The following FLT4 variants were observed in gnomAD, a reference collection of about 807,000 sequenced individuals.
FLT4 encodes the protein fms related receptor tyrosine kinase 4, also known as vascular endothelial growth factor receptor 3.
Under a neutral mutation model 163.2 loss-of-function variants are expected in FLT4, and 30 were observed. The observed-to-expected ratio is 0.18, with a 90% CI of 0.14 to 0.25. The LOEUF is 0.25. FLT4 is among the 10% of genes least tolerant of loss of function. The pLI is 1.00. For synonymous variants in FLT4, 884 were observed against 789.5 expected, an observed-to-expected ratio of 1.12 and a Z score of -2.01; for missense variants, 1,510 against 1,863.8, an observed-to-expected ratio of 0.81 and a Z score of 3.50.
chr5:180,626,493 T>C (rs1023262252), intron 8 of FLT4, among the ~76,000 whole-genome samples: 10 of 152,128 alleles, frequency 6.6e-5, no homozygotes, highest in Non-Finnish European at 1.5e-4. Flanking sequence ...CGGGCATTGG[T>C]CACTGAGGTC....
At chr5:180,608,131 T>C (rs1237812611) in intron 29 of FLT4, 1 of 700,478 alleles carries the variant, frequency 1.4e-6, no homozygotes, top group Non-Finnish European at 2.6e-6. Context: ...CTTGTCCACT[T>C]TCATGCTCCT....
chr5:180,618,718 A>C (rs992281475), intron 21 of FLT4, 52 bp downstream of exon 21: 72 of 1,485,032 alleles, frequency 4.8e-5, no homozygotes, highest in Middle Eastern at 1.8e-4. Context: ...TGATCACGGG[A>C]TATAACCGGG....
chr5:180,628,137 T>A (rs1412230167), intron 8 of FLT4, among the ~76,000 whole-genome samples: 1 of 152,190 alleles, frequency 6.6e-6, no homozygotes, highest in African/African-American at 2.4e-5. Flanking sequence ...CCTGGGGAAT[T>A]GGCGATCAGT....
intron 1 of FLT4, among the ~76,000 whole-genome samples, chr5:180,635,924 G>A (rs113136175): frequency 3.1e-5 from 4 of 131,102 alleles, no homozygotes; most frequent in African/African-American, 1.1e-4. Context: ...TGGGTGGATG[G>A]ATGGATGGAC....
At chr5:180,617,135 C>T in intron 21 of FLT4, 141 bp from the exon 22 acceptor site, 1 of 696,382 alleles carries the variant, frequency 1.4e-6, no homozygotes. Flanking sequence ...CTCCAGAGCA[C>T]CCTCTCCTGC....
In FLT4 at chr5:180,608,972, A is replaced by G; in HGVS notation, c.3889T>C (p.Phe1297Leu). 1 of 1,613,886 alleles carries G rather than the reference A, an allele frequency of 6.2e-7. No individual in the cohort carries two copies. The highest frequency in any genetic ancestry group is 1.1e-5 in the South Asian group (1 of 91,066). Reference sequence around the variant, plus strand: ...GGAGGCTCACGAAGCCCTTACCTGAAGCCGCTTTCTTGTCTATGCCTGCTC... The same window carrying G: ...GGAGGCTCACGAAGCCCTTACCTGAGGCCGCTTTCTTGTCTATGCCTGCTC... ...IESRHRQESG[F>L]SCKGPGQNVA... The change falls in exon 29 of 30, where the codon TTC (phenylalanine) becomes CTC (leucine). Residue 1297 changes from phenylalanine (F) to leucine (L), a missense_variant. Around this residue, in one of 5 missense-constraint regions of FLT4, gnomAD observed 295 missense variants for 311.0 expected, o/e 0.95. Transcript: ENST00000261937.
intron 23 of FLT4, among the ~76,000 whole-genome samples, chr5:180,614,554 C>A (rs1383203778): frequency 6.6e-6 from 1 of 152,082 alleles, no homozygotes; most frequent in Admixed American, 6.5e-5. Context: ...GACAAGCACG[C>A]TCTGTCCACT....
intron 1 of FLT4, among the ~76,000 whole-genome samples, chr5:180,642,204 GT>G (rs1765184279): frequency 7.0e-6 from 1 of 143,762 alleles, no homozygotes; most frequent in Non-Finnish European, 1.5e-5. Flanking sequence ...GAGACTCTGT[GT>G]GAAAAAAAAA....
intron 1 of FLT4, among the ~76,000 whole-genome samples, chr5:180,645,411 G>A (rs1765442604): frequency 6.6e-6 from 1 of 152,226 alleles, no homozygotes; most frequent in Non-Finnish European, 1.5e-5. Context: ...TGGCCGGCAG[G>A]ACGAGCGGCG....
chr5:180,628,277 C>G (rs1334446131), intron 8 of FLT4, among the ~76,000 whole-genome samples: 1 of 152,218 alleles, frequency 6.6e-6, no homozygotes. Flanking sequence ...TGCCATGCCC[C>G]CCCAGAGCCT....
rs1240314465 is a variant in FLT4, at chr5:180,629,711, G to A, written c.801C>T (p.Asp267=). 6.2e-7 allele frequency: 1 copy of A among 1,611,292 alleles called. No homozygotes were observed. The highest frequency in any genetic ancestry group is 2.2e-5 in the East Asian group (1 of 44,840). ...CTGACCTCACCTGCTTCCCTGGGTA[G>A]TCCCAGTCAAAGGTGACACCTGAGT... ...EFNSGVTFDW[D]YPGKQAERGK... Residue 267 remains aspartate (D), a synonymous_variant, in exon 6 of 30, where the codon GAC becomes GAT. Transcript: ENST00000261937.
At chr5:180,625,782 A>G in intron 10 of FLT4, 87 bp downstream of exon 10, 1 of 1,233,578 alleles carries the variant, frequency 8.1e-7, no homozygotes, top group Non-Finnish European at 1.2e-6. Context: ...AGACCTGGGC[A>G]GTGAGGGGTG....
intron 17 of FLT4, 26 bp from the exon 18 acceptor site, chr5:180,619,795 G>C (rs746817171): frequency 2.6e-6 from 4 of 1,566,796 alleles, no homozygotes; most frequent in Non-Finnish European, 3.5e-6. Context: ...GCCAGTTGCA[G>C]GTGAGCTGTA....
In FLT4 at chr5:180,649,553, C is replaced by T. The variant is rs756412901; in HGVS notation, c.-8G>A. 6.7e-5 allele frequency: 96 copies of T among 1,430,868 alleles called. 2 individuals carry two copies. The South Asian group carries it at 1.2e-3, about 18-fold the overall frequency. The allele number at this position is 1,430,868 out of a possible 1,614,324, so 88.6% of individuals were successfully genotyped here. A position where few individuals can be genotyped will look rare whatever the true frequency, so the allele number is the denominator to read the frequency against. On this transcript the variant is annotated 5_prime_UTR_variant, in exon 1 of 30. Transcript: ENST00000261937. ...CGCGGCGCCCCGCTGCATCTCCGGCCGCTGCGCGTGGGTCCGACCCGAGCG... is the reference window on the plus strand; with the variant it reads ...CGCGGCGCCCCGCTGCATCTCCGGCTGCTGCGCGTGGGTCCGACCCGAGCG...
At chr5:180,603,855 G>A (rs1761645538) in intron 29 of FLT4, among the ~76,000 whole-genome samples, 2 of 151,606 alleles carry the variant, frequency 1.3e-5, no homozygotes, top group East Asian at 2.0e-4. Context: ...AGTGAGCTGA[G>A]ATCGCACCAC....
chr5:180,612,819 G>C (rs1034581618), intron 25 of FLT4, among the ~76,000 whole-genome samples, 192 bp downstream of exon 25: 1 of 152,088 alleles, frequency 6.6e-6, no homozygotes, highest in African/African-American at 2.4e-5. Flanking sequence ...GCTCTGTTCC[G>C]ACAGCGCCCG....
At position 180,626,090 on chromosome 5, in the gene FLT4, G is replaced by A. The variant is rs56401579; in HGVS notation, c.1258+21C>T. The stretch of plus-strand genomic sequence containing the variant: ...CCAATGCCAGGCCGCCCACCCGTGC[G>A]CTCTCCCGTCCCTGACCTACCATTC... On this transcript the variant is annotated intron_variant, in intron 9 of 29. Coordinates refer to ENST00000261937, the MANE Select transcript of FLT4 (RefSeq NM_182925.5). 0.04 allele frequency: 65,035 copies of A among 1,612,668 alleles called. 1,981 individuals carry two copies. Among genetic ancestry groups the A allele is most frequent in the East Asian group, 0.18 (7,989 of 44,872 alleles).
chr5:180,642,801 A>G (rs1765225798), intron 1 of FLT4, among the ~76,000 whole-genome samples: 2 of 152,228 alleles, frequency 1.3e-5, no homozygotes, highest in Non-Finnish European at 2.9e-5. Flanking sequence ...GCACCCACAC[A>G]GTAATGATAA....
chr5:180,610,157 G>T, intron 27 of FLT4, 132 bp from the exon 28 acceptor site: 1 of 1,285,814 alleles, frequency 7.8e-7, no homozygotes, highest in Non-Finnish European at 1.1e-6. Context: ...GGATGGGCCT[G>T]GGCCTGAGTG....
Sources: gnomAD v4.1 joint callset for allele counts (sites outside exome capture counted in the v4.1 genomes callset) on GRCh38, gnomAD v4.1.1 for gene constraint, gnomAD v4.1.1 regional missense constraint, MANE v1.5 for transcripts, NCBI Gene and HGNC (gene_info 2026-07-23, HGNC 2026-07-21) for gene names.